Variants in AKAP8 observed in about 807,000 individuals in gnomAD.
AKAP8 encodes the protein A-kinase anchoring protein 8.
In AKAP8, 24 loss-of-function variants were observed where a neutral mutation model predicts 67.5. That is an observed-to-expected ratio of 0.36 (90% CI 0.26 to 0.50). The LOEUF is 0.50. Ranked by LOEUF, AKAP8 falls within the 20% of genes least tolerant of loss-of-function variation. AKAP8 has a pLI of 0.97. For missense variants in AKAP8, 971 were observed against 955.9 expected (o/e 1.02, Z -0.21); for synonymous variants, 400 against 371.1 (o/e 1.08, Z -0.90).
rs981868881 is a variant in AKAP8, at chr19:15,362,029, T to C, written c.1302+81A>G. The stretch of plus-strand genomic sequence containing the variant: ...GGAAACCTTGGCCAAGTATAGCCTC[T>C]GATTTCCCTTCCTCCTTCAAGGGAT... On this transcript the variant is annotated intron_variant, in intron 10 of 13. Coordinates refer to ENST00000269701, the MANE Select transcript of AKAP8 (RefSeq NM_005858.4). 37 of 1,563,450 alleles carry C rather than the reference T, an allele frequency of 2.4e-5. No homozygotes were observed. In the South Asian group the frequency reaches 2.9e-4, roughly 12 times the overall value.
intron 2 of AKAP8, among the ~76,000 whole-genome samples, chr19:15,375,862 T>A (rs10426348): frequency 0.039 from 5,845 of 151,782 alleles, 366 homozygotes; most frequent in African/African-American, 0.13. Context: ...ATGGTCTCGA[T>A]CTCCTGACCT....
chr19:15,371,996 C>T lies in AKAP8; in HGVS notation c.994G>A (p.Asp332Asn). 2.5e-6 allele frequency: 4 copies of T among 1,614,146 alleles called. No homozygotes were observed. The highest frequency in any genetic ancestry group is 3.4e-6 in the Non-Finnish European group (4 of 1,180,028). Residue 332 changes from aspartate to asparagine, a missense_variant and splice_region_variant, in exon 7 of 14, where the codon GAC becomes AAC. By Grantham distance (23) the Asp-to-Asn change is conservative. Coordinates refer to ENST00000269701, the MANE Select transcript of AKAP8 (RefSeq NM_005858.4). Reference protein sequence around the residue: ...DSEGDFSENDDAAGDFRSGDE... With the variant: ...DSEGDFSENDNAAGDFRSGDE... ...CCTGAGCGGAAGTCACCAGCTGCGT[C>T]ATCTGCCAGACACAAAGAAAGGAAA... is the stretch of plus-strand genomic sequence containing the variant.
Position 15,361,743 on chromosome 19 carries a change from G to A in AKAP8, c.1382C>T (p.Pro461Leu), listed in dbSNP as rs184278305. The A allele has an allele frequency of 6.3e-5, 102 of 1,612,826 alleles. No individual in the cohort carries two copies. The highest frequency in any genetic ancestry group is 8.1e-5 in the Non-Finnish European group (95 of 1,178,794). ...TGACAACTCACCTTTGAAAGGATCT[G>A]GTTTTGGTTTTGCGGTTTCTTTCTC... is the stretch of plus-strand genomic sequence containing the variant. ...LMEKETAKPK[P>L]DPFKGIGQEH... Residue 461 changes from proline (P) to leucine (L), a missense_variant, in exon 11 of 14, where the codon CCA becomes CTA. Pro to Leu is a moderately conservative substitution (Grantham distance 98). Coordinates refer to ENST00000269701, the MANE Select transcript of AKAP8 (RefSeq NM_005858.4).
rs1478719766 is a variant in AKAP8, at chr19:15,362,801, G to A, written c.1161-550C>T. Among the ~76,000 whole-genome samples the A allele has an allele frequency of 5.9e-5, 9 of 151,700 alleles. No homozygotes were observed. The South Asian group carries it at 8.3e-4, about 14-fold the overall frequency. ...CCACCCCGTCTGGGAAGTGAGGAGC[G>A]TCTCCGCCTGGCCGCCCATCGTCTG... On this transcript the variant is annotated intron_variant, in intron 9 of 13. Transcript: ENST00000269701.
At chr19:15,371,011 G>A (rs2145080355) in intron 7 of AKAP8, among the ~76,000 whole-genome samples, 1 of 152,286 alleles carries the variant, frequency 6.6e-6, no homozygotes, top group East Asian at 1.9e-4. Flanking sequence ...TGACTCCTTA[G>A]GCAGTGAACA....
chr19:15,379,691 G>A (rs1236708860), intron 1 of AKAP8, 22 bp downstream of exon 1: 3 of 1,606,650 alleles, frequency 1.9e-6, no homozygotes. Context: ...TCCCCGCTCC[G>A]CACCCAGCAG....
chr19:15,368,505 A>T, intron 8 of AKAP8, 183 bp from the exon 9 acceptor site: 3 of 985,268 alleles, frequency 3.0e-6, no homozygotes, highest in Non-Finnish European at 3.6e-6. Flanking sequence ...ACGGGCCTGG[A>T]GTGAGAGCCC....
rs542848234 is a variant in AKAP8, at chr19:15,354,756, C to T, written c.*159G>A. On this transcript the variant is annotated 3_prime_UTR_variant, in exon 14 of 14. Transcript: ENST00000269701. ...AGCCACACGACTGCATGAGACAAGCCGTGAGAGGCACTGCTCAGGAGGAAA... is the reference window on the plus strand; with the variant it reads ...AGCCACACGACTGCATGAGACAAGCTGTGAGAGGCACTGCTCAGGAGGAAA... The T allele has an allele frequency of 3.0e-5, 23 of 774,348 alleles. No homozygotes were observed. The highest frequency in any genetic ancestry group is 3.8e-4 in the Middle Eastern group (1 of 2,640). 48.0% of individuals were successfully genotyped at this position (774,348 alleles called of 1,614,324 possible).
rs10422188 is a variant in AKAP8, at chr19:15,372,763, G to A, written c.861+88C>T. ...GAACTGCGCACTTAAAAACATTTAA[G>A]TGAATGTTGAGATGGGGAAATTTTA... On this transcript the variant is annotated intron_variant, in intron 5 of 13. Coordinates refer to ENST00000269701, the MANE Select transcript of AKAP8 (RefSeq NM_005858.4). 0.011 allele frequency: 15,124 copies of A among 1,426,824 alleles called. 997 individuals are homozygous for A. In the African/African-American group the frequency reaches 0.16, roughly 15 times the overall value. 88.4% of individuals were successfully genotyped at this position (1,426,824 alleles called of 1,614,324 possible).
intron 13 of AKAP8, among the ~76,000 whole-genome samples, chr19:15,355,868 C>T (rs553813532): frequency 6.6e-6 from 1 of 152,110 alleles, no homozygotes; most frequent in Admixed American, 6.5e-5. Flanking sequence ...TCCTGAGTAG[C>T]TGGGATTACA....
At position 15,364,121 on chromosome 19, in the gene AKAP8, A is replaced by AAAAAAAAG. The variant is rs1219114525; in HGVS notation, c.1161-1871_1161-1870insCTTTTTTT. 8.3e-5 allele frequency among the ~76,000 whole-genome samples: 12 copies of AAAAAAAAG among 144,720 alleles called. 1 individual carries two copies. Among genetic ancestry groups the AAAAAAAAG allele is most frequent in the Admixed American group, 6.9e-5 (1 of 14,466 alleles). 94.9% of individuals were successfully genotyped at this position (144,720 alleles called of 152,430 possible). Reference sequence around the variant, plus strand: ...ATTGGCAGTGGGCAAAAAAAAAAAAAAAAAGAAACAGGATTTTCAGTAATT... The same window carrying AAAAAAAAG: ...ATTGGCAGTGGGCAAAAAAAAAAAAAAAAAAAAGAAAAGAAACAGGATTTTCAGTAATT... On this transcript the variant is annotated intron_variant, in intron 9 of 13. Coordinates refer to ENST00000269701, the MANE Select transcript of AKAP8 (RefSeq NM_005858.4).
In AKAP8 at chr19:15,374,539, C is replaced by T. The variant is rs4809185; in HGVS notation, c.91+64G>A. 0.77 allele frequency: 1,214,105 copies of T among 1,577,004 alleles called. 469,420 individuals carry two copies. The highest frequency in any genetic ancestry group is 0.99 in the East Asian group (44,178 of 44,462). On this transcript the variant is annotated intron_variant, in intron 3 of 13. Coordinates refer to ENST00000269701, the MANE Select transcript of AKAP8 (RefSeq NM_005858.4). ...GCCAGACCTCCCTGACGGGCTGACC[C>T]GCCTGGCCTTCAGATCAGAGGCCCA... is the stretch of plus-strand genomic sequence containing the variant.
At chr19:15,361,457 T>C in intron 11 of AKAP8, 1 of 343,286 alleles carries the variant, frequency 2.9e-6, no homozygotes, top group South Asian at 2.7e-5. Context: ...TTGACACCAT[T>C]CTCCTGCCTC....
chr19:15,355,741 AT>A (rs796116999), intron 13 of AKAP8, among the ~76,000 whole-genome samples: 93 of 142,940 alleles, frequency 6.5e-4, no homozygotes, highest in African/African-American at 1.4e-3. Context: ...CCATTCTGCA[AT>A]TTTTTTTTTT....
chr19:15,363,481 G>GT (rs1259302411), intron 9 of AKAP8, among the ~76,000 whole-genome samples: 1 of 143,280 alleles, frequency 7.0e-6, no homozygotes, highest in Non-Finnish European at 1.5e-5. Context: ...CGGGAGGGAG[G>GT]TGGGGGGGGT....
intron 9 of AKAP8, among the ~76,000 whole-genome samples, chr19:15,363,909 G>C (rs1398720812): frequency 6.6e-6 from 1 of 151,236 alleles, no homozygotes; most frequent in Non-Finnish European, 1.5e-5. Context: ...AGGGTTAAAT[G>C]GATTAAGGGC....
intron 1 of AKAP8, among the ~76,000 whole-genome samples, chr19:15,378,145 T>C (rs1236366445): frequency 2.6e-5 from 4 of 152,204 alleles, no homozygotes; most frequent in Non-Finnish European, 4.4e-5. Context: ...ACAAGGGAGC[T>C]AGGCTCATGG....
intron 13 of AKAP8, among the ~76,000 whole-genome samples, chr19:15,357,342 C>T (rs1009156515): frequency 4.5e-5 from 6 of 134,426 alleles, no homozygotes; most frequent in South Asian, 2.3e-4. Context: ...GGCAGGAGAA[C>T]GGCATGAACC....
chr19:15,361,125 A>G (rs886259206), intron 11 of AKAP8, 147 bp from the exon 12 acceptor site: 6 of 1,003,674 alleles, frequency 6.0e-6, no homozygotes, highest in South Asian at 1.7e-5. Flanking sequence ...GGGTCAGCAC[A>G]TCGGCCTCTA....
Sources: gnomAD v4.1 joint callset for allele counts (sites outside exome capture counted in the v4.1 genomes callset) on GRCh38, gnomAD v4.1.1 for gene constraint, MANE v1.5 for transcripts, NCBI Gene and HGNC (gene_info 2026-07-23, HGNC 2026-07-21) for gene names.